The following CA8 variants were observed in gnomAD, a reference collection of about 807,000 sequenced individuals.
The protein encoded by CA8 is carbonic anhydrase 8 (inactive), also known as carbonic anhydrase-related protein.
A neutral mutation model predicts 41.4 loss-of-function variants in CA8; 22 were observed. The ratio of observed to expected loss-of-function variants is 0.53; its 90% confidence interval spans 0.38 to 0.76. The LOEUF (loss-of-function observed/expected upper bound fraction) is 0.76. Ranked by LOEUF, CA8 falls within the 30% of genes least tolerant of loss-of-function variation. The probability of loss-of-function intolerance (pLI) is 0.00; values close to 1 mark genes in which losing one functional copy is unlikely to be tolerated. For synonymous variants in CA8, 121 were observed against 130.6 expected (o/e 0.93, Z 0.50); for missense variants, 270 against 352.8 (o/e 0.77, Z 1.88).
intron 7 of CA8, 29 bp downstream of exon 7, chr8:60,222,620 C>T: frequency 7.4e-7 from 1 of 1,353,464 alleles, no homozygotes; most frequent in South Asian, 1.2e-5. Context: ...CAGAACTTCA[C>T]TCTGAAAGAT....
intron 8 of CA8, among the ~76,000 whole-genome samples, chr8:60,206,945 A>G (rs112697950): frequency 6.8e-6 from 1 of 148,044 alleles, no homozygotes; most frequent in Non-Finnish European, 1.5e-5. Flanking sequence ...TTAAAAAAGA[A>G]AAAAAAAAAG....
chr8:60,190,860 T>G (rs2130370306), intron 8 of CA8, among the ~76,000 whole-genome samples: 1 of 150,116 alleles, frequency 6.7e-6, no homozygotes, highest in South Asian at 2.1e-4. Flanking sequence ...CCTTAATAAA[T>G]TATATTACTA....
intron 3 of CA8, among the ~76,000 whole-genome samples, chr8:60,235,006 G>T (rs1807783174): frequency 6.6e-6 from 1 of 152,178 alleles, no homozygotes; most frequent in Non-Finnish European, 1.5e-5. Context: ...GGTAACCTAG[G>T]TGCGTGGCTC....
At chr8:60,239,830 G>T (rs1456823529) in intron 3 of CA8, among the ~76,000 whole-genome samples, 2 of 152,216 alleles carry the variant, frequency 1.3e-5, no homozygotes, top group African/African-American at 4.8e-5. Context: ...TTCAAAAGGG[G>T]TTTCTTCTTT....
At chr8:60,219,667 T>C (rs1807165920) in intron 7 of CA8, among the ~76,000 whole-genome samples, 1 of 152,070 alleles carries the variant, frequency 6.6e-6, no homozygotes, top group African/African-American at 2.4e-5. Flanking sequence ...TCAAATAAAC[T>C]GCAGTGTTGA....
chr8:60,278,649 G>C (rs920590140), intron 2 of CA8, among the ~76,000 whole-genome samples: 1 of 152,102 alleles, frequency 6.6e-6, no homozygotes, highest in Non-Finnish European at 1.5e-5. Flanking sequence ...AACTCTTTTG[G>C]GCAATGCTCA....
rs1806732626 is a variant in CA8 at position 60,208,828 on chromosome 8, G to A, written c.830C>T (p.Thr277Ile). The change falls in exon 8 of 9, where the codon ACT (threonine) becomes ATT (isoleucine). Residue 277 changes from threonine (T) to isoleucine (I), a missense_variant. This residue lies in a region of CA8 where 141 missense variants were observed against 191.6 expected (regional missense o/e 0.74). Transcript: ENST00000317995. ...DGILGDNFRP[T>I]QPLSDRVIRA... ...AATGACTCTGTCACTAAGAGGCTGA[G>A]TGGGCCGAAAGTTGTCTCCCAAAAT... 3 of 1,614,162 alleles carry A rather than the reference G, an allele frequency of 1.9e-6. No individual in the cohort carries two copies. Among genetic ancestry groups the A allele is most frequent in the African/African-American group, 1.3e-5 (1 of 75,042 alleles).
intron 3 of CA8, among the ~76,000 whole-genome samples, chr8:60,248,371 T>C (rs187042321): frequency 2.5e-3 from 382 of 152,324 alleles, no homozygotes; most frequent in African/African-American, 8.8e-3. Context: ...CTTCTAGGGA[T>C]TTTATGGCTT....
At chr8:60,232,246 A>G (rs763154535) in intron 4 of CA8, 38 bp downstream of exon 4, 1 of 1,444,940 alleles carries the variant, frequency 6.9e-7, no homozygotes, top group African/African-American at 1.4e-5. Context: ...AGAAATTAGC[A>G]TCTCTAAACA....
At chr8:60,207,661 ACAT>A (rs1806674882) in intron 8 of CA8, among the ~76,000 whole-genome samples, 1 of 152,180 alleles carries the variant, frequency 6.6e-6, no homozygotes, top group South Asian at 2.1e-4. Context: ...TATTTCATAT[ACAT>A]CAACTTCTCT....
rs1394684999 is a variant in CA8 at position 60,208,755 on chromosome 8, T to G, written c.*30A>C. 1 of 1,613,956 alleles carries G rather than the reference T, an allele frequency of 6.2e-7. No individual in the cohort carries two copies. Among genetic ancestry groups the G allele is most frequent in the Non-Finnish European group, 8.5e-7 (1 of 1,179,846 alleles). On this transcript the variant is annotated 3_prime_UTR_variant, in exon 8 of 9. Coordinates refer to ENST00000317995, the MANE Select transcript of CA8 (RefSeq NM_004056.6). ...CTTACTTAATCTGGACATACCCTCATGAAGACAGACTTGTTCCTGTCCTCT... is the reference window on the plus strand; with the variant it reads ...CTTACTTAATCTGGACATACCCTCAGGAAGACAGACTTGTTCCTGTCCTCT...
chr8:60,226,890 G>C lies in CA8; in HGVS notation c.559C>G (p.Gln187Glu). 1 of 1,593,238 alleles carries C rather than the reference G, an allele frequency of 6.3e-7. No homozygotes were observed. Among genetic ancestry groups the C allele is most frequent in the Non-Finnish European group, 8.6e-7 (1 of 1,161,428 alleles). ...TGACTTACCTTATACTGAATATCTT[G>C]GAGGATTTCAGTCACAGCCTTCAAG... The part of the protein sequence containing the change: ...VGLKAVTEIL[Q>E]DIQYKGKSKT... Residue 187 changes from glutamine to glutamate, a missense_variant, in exon 5 of 9, where the codon CAA (glutamine) becomes GAA (glutamate). Physicochemically the swap from Gln to Glu is conservative, Grantham distance 29. This residue lies in a region of CA8 where 141 missense variants were observed against 191.6 expected (regional missense o/e 0.74). Coordinates refer to ENST00000317995, the MANE Select transcript of CA8 (RefSeq NM_004056.6).
intron 3 of CA8, among the ~76,000 whole-genome samples, chr8:60,246,746 A>C (rs1029708772): frequency 2.6e-5 from 4 of 152,206 alleles, no homozygotes; most frequent in Non-Finnish European, 5.9e-5. Flanking sequence ...TAAAGTTATT[A>C]CAGAGGTACA....
At position 60,281,358 on chromosome 8, in the gene CA8, C is replaced by T. The variant is rs1804424176; in HGVS notation, c.-211G>A. On this transcript the variant is annotated 5_prime_UTR_variant, in exon 1 of 9. Coordinates refer to ENST00000317995, the MANE Select transcript of CA8 (RefSeq NM_004056.6). ...GTGTTCCAGAGACCCGCGTGGGAAGCGCGTCCGGAGGCCCCAGCAGAGCGA... is the reference window on the plus strand; with the variant it reads ...GTGTTCCAGAGACCCGCGTGGGAAGTGCGTCCGGAGGCCCCAGCAGAGCGA... 2 of 569,710 alleles carry T rather than the reference C, an allele frequency of 3.5e-6. No individual in the cohort carries two copies. The highest frequency in any genetic ancestry group is 2.0e-5 in the South Asian group (1 of 49,962). The allele number at this position is 569,710 out of a possible 1,614,324, so 35.3% of individuals were successfully genotyped here.
At chr8:60,263,341 G>C (rs1803795212) in intron 3 of CA8, among the ~76,000 whole-genome samples, 2 of 147,582 alleles carry the variant, frequency 1.4e-5, no homozygotes, top group African/African-American at 5.1e-5. Context: ...AAAAAAAAAG[G>C]TAATTCCTGT....
Position 60,186,110 on chromosome 8 carries a change from A to G in CA8, c.*3911T>C, listed in dbSNP as rs1010386963. Among the ~76,000 whole-genome samples the G allele has an allele frequency of 6.6e-6, 1 of 152,124 alleles. No homozygotes were observed. Among genetic ancestry groups the G allele is most frequent in the Non-Finnish European group, 1.5e-5 (1 of 67,958 alleles). Reference sequence around the variant, plus strand: ...AAATGAACATAACCAGAAATGGTAAATTAAAAGCTTACTAGAAGAAACTCT... The same window carrying G: ...AAATGAACATAACCAGAAATGGTAAGTTAAAAGCTTACTAGAAGAAACTCT... On this transcript the variant is annotated 3_prime_UTR_variant, in exon 9 of 9. Transcript: ENST00000317995.
rs1354267840 is a variant in CA8, at chr8:60,219,825, C to T, written c.738+2824G>A. 2.0e-5 allele frequency among the ~76,000 whole-genome samples: 3 copies of T among 149,550 alleles called. No individual in the cohort carries two copies. In the Admixed American group the frequency reaches 2.0e-4, roughly 10 times the overall value. ...AGGCCTCAATCACCTCATCTGAAACCTGGGAATGATAACGGCAGTCACCAT... is the reference window on the plus strand; with the variant it reads ...AGGCCTCAATCACCTCATCTGAAACTTGGGAATGATAACGGCAGTCACCAT... On this transcript the variant is annotated intron_variant, in intron 7 of 8. Transcript: ENST00000317995.
At chr8:60,250,378 C>A (rs926104967) in intron 3 of CA8, among the ~76,000 whole-genome samples, 2 of 152,174 alleles carry the variant, frequency 1.3e-5, no homozygotes, top group African/African-American at 4.8e-5. Context: ...CCGTTTCTGA[C>A]AATCCTTAGG....
intron 8 of CA8, among the ~76,000 whole-genome samples, chr8:60,207,501 C>T (rs1806669315): frequency 6.6e-6 from 1 of 152,204 alleles, no homozygotes; most frequent in Non-Finnish European, 1.5e-5. Flanking sequence ...TTATCTTCAA[C>T]CAAACAGGGC....
Sources: allele counts gnomAD v4.1 joint callset (sites outside exome capture counted in the v4.1 genomes callset), GRCh38; gene constraint gnomAD v4.1.1; regional missense constraint gnomAD v4.1.1; transcripts MANE v1.5; gene names NCBI Gene and HGNC (gene_info 2026-07-23, HGNC 2026-07-21).